The following EPHA6 variants were observed in gnomAD, a reference collection of about 807,000 sequenced individuals.
EPHA6 encodes ephrin type-A receptor 6.
In EPHA6, 50 loss-of-function variants were observed where a neutral mutation model predicts 112.0. The ratio of observed to expected loss-of-function variants is 0.45; its 90% confidence interval spans 0.36 to 0.56. EPHA6 has a LOEUF of 0.56. Ranked by LOEUF, EPHA6 falls within the 20% of genes least tolerant of loss-of-function variation. The pLI, the probability that EPHA6 is intolerant of heterozygous loss-of-function variation, is 0.00. For synonymous variants in EPHA6, 529 were observed against 490.7 expected, an observed-to-expected ratio of 1.08 and a Z score of -1.03; for missense variants, 1,280 against 1,417.4, an observed-to-expected ratio of 0.90 and a Z score of 1.56.
At chr3:97,607,767 A>G (rs534906965) in intron 12 of EPHA6, among the ~76,000 whole-genome samples, 1 of 151,270 alleles carries the variant, frequency 6.6e-6, no homozygotes, top group South Asian at 2.1e-4. Flanking sequence ...AAAATTGTAC[A>G]AAAAGAAATA....
At chr3:97,271,508 C>T (rs72924469) in intron 5 of EPHA6, among the ~76,000 whole-genome samples, 3,781 of 152,276 alleles carry the variant, frequency 0.025, 161 homozygotes, top group African/African-American at 0.079. Context: ...CAGGCACGCA[C>T]CACCATACCC....
intron 5 of EPHA6, among the ~76,000 whole-genome samples, chr3:97,298,810 C>A (rs1045310034): frequency 5.3e-5 from 8 of 151,912 alleles, no homozygotes; most frequent in African/African-American, 1.7e-4. Flanking sequence ...TCTACCAAAT[C>A]ACCATAAATA....
chr3:97,701,062 G>A (rs927930861), intron 14 of EPHA6, among the ~76,000 whole-genome samples: 1 of 152,136 alleles, frequency 6.6e-6, no homozygotes, highest in Non-Finnish European at 1.5e-5. Flanking sequence ...TCTGTCAGTG[G>A]GTAATAAGTG....
chr3:97,272,560 GAGTC>G (rs962672286), intron 5 of EPHA6, among the ~76,000 whole-genome samples: 16 of 152,080 alleles, frequency 1.1e-4, no homozygotes, highest in African/African-American at 3.4e-4. Context: ...TCCAAAAAGA[GAGTC>G]AGCGAAGGGA....
At chr3:97,005,641 T>G (rs1043261243) in intron 3 of EPHA6, among the ~76,000 whole-genome samples, 1 of 152,180 alleles carries the variant, frequency 6.6e-6, no homozygotes, top group African/African-American at 2.4e-5. Flanking sequence ...TGGCCAGAAC[T>G]TCCAATACTA....
intron 2 of EPHA6, among the ~76,000 whole-genome samples, chr3:96,971,030 A>G (rs777728772): frequency 6.6e-6 from 1 of 152,074 alleles, no homozygotes; most frequent in Admixed American, 6.6e-5. Context: ...AATATTTGCA[A>G]TCCCTTTATT....
chr3:97,546,554 C>G (rs1039070799), intron 11 of EPHA6, among the ~76,000 whole-genome samples: 1 of 152,058 alleles, frequency 6.6e-6, no homozygotes, highest in South Asian at 2.1e-4. Flanking sequence ...TGGGGTTGCT[C>G]TTCTCGAAGA....
chr3:97,252,430 C>T (rs1007665978), intron 5 of EPHA6, among the ~76,000 whole-genome samples: 1 of 152,216 alleles, frequency 6.6e-6, no homozygotes, highest in African/African-American at 2.4e-5. Context: ...CACACACACA[C>T]GCGCGCGCAC....
At chr3:97,508,984 CTTTTTT>C (rs141763479) in intron 10 of EPHA6, among the ~76,000 whole-genome samples, 1 of 22,330 alleles carries the variant, frequency 4.5e-5, no homozygotes, top group African/African-American at 1.5e-4. Context: ...GCATCCCTGG[CTTTTTT>C]TTTTTTTTTT....
chr3:96,825,179 C>G (rs1029356094), intron 1 of EPHA6, among the ~76,000 whole-genome samples: 22 of 151,810 alleles, frequency 1.4e-4, no homozygotes, highest in Admixed American at 4.6e-4. Context: ...AAGATTAAAA[C>G]TTATGCATTT....
intron 3 of EPHA6, among the ~76,000 whole-genome samples, chr3:97,202,820 G>T (rs1160953930): frequency 6.6e-6 from 1 of 152,104 alleles, no homozygotes; most frequent in Non-Finnish European, 1.5e-5. Context: ...AATGTTTTCT[G>T]CTCTTGAGAA....
At chr3:97,324,081 A>G (rs2082249419) in intron 5 of EPHA6, among the ~76,000 whole-genome samples, 1 of 151,968 alleles carries the variant, frequency 6.6e-6, no homozygotes, top group South Asian at 2.1e-4. Flanking sequence ...TCCAAAGCAT[A>G]CTTAGAAACC....
At chr3:97,068,835 A>T (rs1483779451) in intron 3 of EPHA6, among the ~76,000 whole-genome samples, 2 of 152,136 alleles carry the variant, frequency 1.3e-5, no homozygotes, top group Non-Finnish European at 2.9e-5. Context: ...AGAGATCTCC[A>T]GTCCACAACC....
intron 10 of EPHA6, among the ~76,000 whole-genome samples, chr3:97,519,713 C>A (rs1377454432): frequency 2.0e-5 from 3 of 151,712 alleles, no homozygotes; most frequent in Non-Finnish European, 4.4e-5. Context: ...TAAATTTATA[C>A]CTAGATATTT....
intron 6 of EPHA6, among the ~76,000 whole-genome samples, chr3:97,414,611 G>A (rs1350459041): frequency 1.3e-5 from 2 of 151,938 alleles, no homozygotes; most frequent in East Asian, 1.9e-4. Flanking sequence ...AGACTTAAGT[G>A]TCTTAGATTC....
chr3:97,383,550 A>C (rs2085876927), intron 5 of EPHA6, among the ~76,000 whole-genome samples: 3 of 152,124 alleles, frequency 2.0e-5, no homozygotes. Flanking sequence ...CTGATGTACA[A>C]TTAACATGAT....
At chr3:97,112,347 A>G (rs975380684) in intron 3 of EPHA6, among the ~76,000 whole-genome samples, 133 of 152,260 alleles carry the variant, frequency 8.7e-4, no homozygotes, top group African/African-American at 3.1e-3. Context: ...TGATACTCTG[A>G]GTAAATCTAA....
intron 10 of EPHA6, among the ~76,000 whole-genome samples, chr3:97,513,789 A>G (rs1023940166): frequency 1.1e-4 from 16 of 152,044 alleles, no homozygotes; most frequent in African/African-American, 3.6e-4. Flanking sequence ...CTTGATCACT[A>G]CACTATATAT....
Position 97,583,365 on chromosome 3 carries a change from C to T in EPHA6, c.2387-9247C>T, listed in dbSNP as rs1291998906. Among the ~76,000 whole-genome samples, 8 of 151,852 alleles carry T rather than the reference C, an allele frequency of 5.3e-5. No individual in the cohort carries two copies. In the South Asian group the frequency reaches 1.7e-3, roughly 32 times the overall value. On this transcript the variant is annotated intron_variant, in intron 11 of 17. Coordinates refer to ENST00000389672, the MANE Select transcript of EPHA6 (RefSeq NM_001080448.3). ...CCATCCTGGCTAACACGGTGAAACC[C>T]CGTCTCTACTAAAAATACAAAAAAT... is the stretch of plus-strand genomic sequence containing the variant.
Sources: gnomAD v4.1 joint callset for allele counts (sites outside exome capture counted in the v4.1 genomes callset) on GRCh38, gnomAD v4.1.1 for gene constraint, MANE v1.5 for transcripts, NCBI Gene and HGNC (gene_info 2026-07-23, HGNC 2026-07-21) for gene names.